The following DGKI variants were observed in gnomAD, a reference collection of about 807,000 sequenced individuals.
The protein encoded by DGKI is diacylglycerol kinase iota.
In DGKI, 55 loss-of-function variants were observed where a neutral mutation model predicts 147.5. The ratio of observed to expected loss-of-function variants is 0.37; its 90% CI spans 0.30 to 0.47. The LOEUF is 0.47. Ranked by LOEUF, DGKI falls within the 20% of genes least tolerant of loss-of-function variation. The pLI is 1.00. For synonymous variants in DGKI, 469 were observed against 477.1 expected, an observed-to-expected ratio of 0.98 and a Z score of 0.22; for missense variants, 1,007 against 1,323.8, an observed-to-expected ratio of 0.76 and a Z score of 3.71.
chr7:137,743,405 A>G (rs1243998193), intron 1 of DGKI, among the ~76,000 whole-genome samples: 1 of 152,228 alleles, frequency 6.6e-6, no homozygotes, highest in Non-Finnish European at 1.5e-5. Context: ...ATCAATTTTT[A>G]AAAAGTAGAA....
intron 1 of DGKI, among the ~76,000 whole-genome samples, chr7:137,744,565 C>A (rs770877662): frequency 6.6e-6 from 1 of 152,022 alleles, no homozygotes; most frequent in Non-Finnish European, 1.5e-5. Flanking sequence ...CATCCTGATA[C>A]CAAAATCTGA....
At chr7:137,666,821 T>C (rs1471735882) in intron 3 of DGKI, among the ~76,000 whole-genome samples, 1 of 152,192 alleles carries the variant, frequency 6.6e-6, no homozygotes, top group Non-Finnish European at 1.5e-5. Flanking sequence ...TAAAAATCCA[T>C]AATTCTGTTT....
chr7:137,428,505 CCT>C lies in DGKI; in HGVS notation c.2761+15570_2761+15571del, dbSNP rs538421729. Among the ~76,000 whole-genome samples the C allele has an allele frequency of 5.3e-5, 8 of 152,134 alleles. No individual in the cohort carries two copies. In the South Asian group the frequency reaches 1.5e-3, roughly 28 times the overall value. ...GAAAACTGGCACAAGACAGGGATGC[CCT>C]CTCTCACCACTCCTATTTGACATAG... is the stretch of plus-strand genomic sequence containing the variant. On this transcript the variant is annotated intron_variant, in intron 28 of 32. Coordinates refer to ENST00000614521, the MANE Select transcript of DGKI (RefSeq NM_001321708.2).
chr7:137,730,313 A>G (rs1794838518), intron 1 of DGKI, among the ~76,000 whole-genome samples: 1 of 152,190 alleles, frequency 6.6e-6, no homozygotes, highest in South Asian at 2.1e-4. Context: ...GTTTTGGTTA[A>G]TGGTACCGTG....
At chr7:137,825,140 A>G (rs1036512655) in intron 1 of DGKI, among the ~76,000 whole-genome samples, 2 of 152,206 alleles carry the variant, frequency 1.3e-5, no homozygotes, top group African/African-American at 4.8e-5. Context: ...TCCACAATAA[A>G]GCTCTGTAGT....
chr7:137,778,790 C>T (rs1435591679), intron 1 of DGKI, among the ~76,000 whole-genome samples: 1 of 152,106 alleles, frequency 6.6e-6, no homozygotes, highest in Non-Finnish European at 1.5e-5. Context: ...ATCAAAGTAT[C>T]AGATAACTTA....
rs551927446 is a variant in DGKI, at chr7:137,678,612, T to C, written c.551A>G (p.Asn184Ser). 3.1e-5 allele frequency: 50 copies of C among 1,614,144 alleles called. 1 individual carries two copies. Among genetic ancestry groups the C allele is most frequent in the African/African-American group, 5.3e-5 (4 of 75,028 alleles). The change falls in exon 3 of 33, where the codon AAC becomes AGC. Residue 184 changes from asparagine to serine, a missense_variant. Asn to Ser is a conservative substitution (Grantham distance 46). Transcript: ENST00000614521. ...VNGEHLWLET[N>S]VSGDLCYLGE... ...AAGGTAGCAGAGGTCTCCCGAGACG[T>C]TGGTCTCCAGCCACAGGTGTTCTCC...
intron 1 of DGKI, among the ~76,000 whole-genome samples, chr7:137,720,361 C>A (rs1160966387): frequency 6.7e-6 from 1 of 150,210 alleles, no homozygotes; most frequent in African/African-American, 2.5e-5. Flanking sequence ...GGGTTCACAC[C>A]ATTCTCCTGC....
chr7:137,496,945 A>C (rs1187103789), intron 21 of DGKI, among the ~76,000 whole-genome samples: 1 of 152,150 alleles, frequency 6.6e-6, no homozygotes, highest in Non-Finnish European at 1.5e-5. Context: ...AAAACAACAA[A>C]AACTGACAAA....
At chr7:137,714,736 C>T (rs939729947) in intron 1 of DGKI, among the ~76,000 whole-genome samples, 9 of 152,190 alleles carry the variant, frequency 5.9e-5, no homozygotes, top group Admixed American at 3.9e-4. Flanking sequence ...TCTAAAATTA[C>T]TCCTTGCTTA....
intron 28 of DGKI, among the ~76,000 whole-genome samples, chr7:137,416,049 T>C (rs1216086046): frequency 6.6e-6 from 1 of 151,946 alleles, no homozygotes; most frequent in Non-Finnish European, 1.5e-5. Context: ...CAAGACTGTA[T>C]TGAAACATTT....
chr7:137,660,946 T>C (rs2116286859), intron 3 of DGKI, among the ~76,000 whole-genome samples: 1 of 152,254 alleles, frequency 6.6e-6, no homozygotes, highest in South Asian at 2.1e-4. Flanking sequence ...GCCCATGATC[T>C]ATAAAAGGAT....
At chr7:137,706,905 G>A (rs1031743461) in intron 1 of DGKI, among the ~76,000 whole-genome samples, 2 of 152,106 alleles carry the variant, frequency 1.3e-5, no homozygotes, top group Non-Finnish European at 2.9e-5. Flanking sequence ...TCTCTCCTAA[G>A]AACCAGTCCT....
At chr7:137,582,159 TG>T (rs1819218865) in intron 14 of DGKI, among the ~76,000 whole-genome samples, 1 of 152,142 alleles carries the variant, frequency 6.6e-6, no homozygotes, top group Non-Finnish European at 1.5e-5. Flanking sequence ...ATAAGAAATG[TG>T]TCACAAATAC....
rs1036260711 is a variant in DGKI, at chr7:137,698,588, G to T, written c.402-8586C>A. Among the ~76,000 whole-genome samples, 55 of 152,258 alleles carry T rather than the reference G, an allele frequency of 3.6e-4. 2 individuals are homozygous for T. The highest frequency in any genetic ancestry group is 1.3e-4 in the Non-Finnish European group (9 of 68,012). On this transcript the variant is annotated intron_variant, in intron 1 of 32. Transcript: ENST00000614521. ...TGTGTCAGAGACAATACCTCGGAAGGGGCTCAGATGTGGACCAGCAGCAGC... is the reference window on the plus strand; with the variant it reads ...TGTGTCAGAGACAATACCTCGGAAGTGGCTCAGATGTGGACCAGCAGCAGC...
In DGKI at chr7:137,662,305, G is replaced by A. The variant is rs1034047724; in HGVS notation, c.607-5765C>T. On this transcript the variant is annotated intron_variant, in intron 3 of 32. Coordinates refer to ENST00000614521, the MANE Select transcript of DGKI (RefSeq NM_001321708.2). ...TTGCCCGGGGTTGGAGTGCAGTGGC[G>A]GGATCTCGGCTCACTGCAAGCTCTG... Among the ~76,000 whole-genome samples, 17 of 150,170 alleles carry A rather than the reference G, an allele frequency of 1.1e-4. No homozygotes were observed. The South Asian group carries it at 2.8e-3, about 24-fold the overall frequency.
intron 17 of DGKI, 66 bp from the exon 18 acceptor site, chr7:137,572,904 A>C: frequency 8.4e-7 from 1 of 1,193,268 alleles, no homozygotes; most frequent in Non-Finnish European, 1.2e-6. Context: ...ATGAAAGATA[A>C]CTAGTTTGAC....
intron 20 of DGKI, among the ~76,000 whole-genome samples, chr7:137,552,130 T>C (rs1818065616): frequency 6.6e-6 from 1 of 152,146 alleles, no homozygotes; most frequent in African/African-American, 2.4e-5. Context: ...AAGTGGTCAG[T>C]GAAGAAGAAT....
rs1454427233 is a variant in DGKI, at chr7:137,846,336, G to A, written c.401+126C>T. On this transcript the variant is annotated intron_variant, in intron 1 of 32. Coordinates refer to ENST00000614521, the MANE Select transcript of DGKI (RefSeq NM_001321708.2). This position sits in a 1 kb window ranked among gnomAD's most constrained non-coding sequence, Gnocchi z 4.0. ...ACAGACATCCCCGGGAGGAGAGGGGGAAAGGGGGAAGGAGAGGCGTGGAAA... is the reference window on the plus strand; with the variant it reads ...ACAGACATCCCCGGGAGGAGAGGGGAAAAGGGGGAAGGAGAGGCGTGGAAA... 9.2e-6 allele frequency: 5 copies of A among 544,106 alleles called. No homozygotes were observed. The highest frequency in any genetic ancestry group is 1.6e-5 in the Non-Finnish European group (5 of 321,174). The allele number at this position is 544,106 out of a possible 1,614,324, so 33.7% of individuals were successfully genotyped here.
Sources: gnomAD v4.1 joint callset for allele counts (sites outside exome capture counted in the v4.1 genomes callset) on GRCh38, gnomAD v4.1.1 for gene constraint, Gnocchi (gnomAD v3.1) non-coding constraint, MANE v1.5 for transcripts, NCBI Gene and HGNC (gene_info 2026-07-23, HGNC 2026-07-21) for gene names.